The following LDLRAD4 variants were observed in gnomAD, a reference collection of about 807,000 sequenced individuals.
The protein encoded by LDLRAD4 is low density lipoprotein receptor class A domain containing 4, also known as low-density lipoprotein receptor class A domain-containing protein 4.
Under a neutral mutation model 17.0 loss-of-function variants are expected in LDLRAD4, and 5 were observed. The ratio of observed to expected loss-of-function variants is 0.29; its 90% confidence interval spans 0.15 to 0.62. The LOEUF (loss-of-function observed/expected upper bound fraction) is 0.62. LDLRAD4 is among the 20% of genes least tolerant of loss of function. LDLRAD4 has a pLI of 0.84. For missense variants in LDLRAD4, 340 were observed against 424.7 expected (o/e 0.80, Z 1.75); for synonymous variants, 168 against 171.8 (o/e 0.98, Z 0.17).
At chr18:13,592,924 C>T (rs371690804) in intron 3 of LDLRAD4, among the ~76,000 whole-genome samples, 1 of 152,188 alleles carries the variant, frequency 6.6e-6, no homozygotes, top group African/African-American at 2.4e-5. Flanking sequence ...ACTTTTGAAA[C>T]CTGATTGTGT....
chr18:13,450,332 C>A (rs566891046), intron 3 of LDLRAD4, among the ~76,000 whole-genome samples: 1 of 121,618 alleles, frequency 8.2e-6, no homozygotes, highest in Non-Finnish European at 1.8e-5. Flanking sequence ...CCCCACCCCC[C>A]CCCCCAAAAA....
intron 1 of LDLRAD4, among the ~76,000 whole-genome samples, chr18:13,246,271 A>G (rs559274105): frequency 1.3e-5 from 2 of 152,302 alleles, no homozygotes; most frequent in East Asian, 3.9e-4. Context: ...GCTTTTGCCC[A>G]TGCTGAGACT....
At chr18:13,469,437 G>A (rs1215186712) in intron 3 of LDLRAD4, among the ~76,000 whole-genome samples, 1 of 152,168 alleles carries the variant, frequency 6.6e-6, no homozygotes, top group Admixed American at 6.5e-5. Flanking sequence ...TGTACCCACT[G>A]TTCATTACAG....
chr18:13,492,138 G>C (rs577313858), intron 3 of LDLRAD4, among the ~76,000 whole-genome samples: 36 of 151,992 alleles, frequency 2.4e-4, no homozygotes, highest in Non-Finnish European at 4.6e-4. Flanking sequence ...AGACCGATTC[G>C]GGCAAGTCTA....
intron 3 of LDLRAD4, among the ~76,000 whole-genome samples, chr18:13,551,181 G>C (rs1020492889): frequency 1.3e-5 from 2 of 152,128 alleles, no homozygotes; most frequent in African/African-American, 4.8e-5. Context: ...GTGTCATCGG[G>C]TGCCAACAGC....
At chr18:13,376,860 G>A (rs1190189772) in intron 1 of LDLRAD4, among the ~76,000 whole-genome samples, 1 of 152,240 alleles carries the variant, frequency 6.6e-6, no homozygotes, top group Non-Finnish European at 1.5e-5. Context: ...TACCAAGGCA[G>A]TGGAAATTGG....
At chr18:13,584,253 C>A (rs904538577) in intron 3 of LDLRAD4, among the ~76,000 whole-genome samples, 1 of 152,220 alleles carries the variant, frequency 6.6e-6, no homozygotes, top group Admixed American at 6.5e-5. Flanking sequence ...ACAGTCTTTC[C>A]CCCTGGAATC....
chr18:13,273,492 A>G (rs2044680821), upstream of LDLRAD4, among the ~76,000 whole-genome samples: 1 of 152,032 alleles, frequency 6.6e-6, no homozygotes, highest in Admixed American at 6.5e-5. Flanking sequence ...TAGAGACAGG[A>G]TCTTGCTATA....
chr18:13,387,807 G>T (rs762902273), intron 2 of LDLRAD4, 45 bp downstream of exon 3: 17 of 1,578,740 alleles, frequency 1.1e-5, no homozygotes, highest in Admixed American at 3.3e-5. Flanking sequence ...CCACTCCTGG[G>T]AGGCAATAAA....
At chr18:13,293,328 G>A (rs976555844) in intron 1 of LDLRAD4, among the ~76,000 whole-genome samples, 1 of 152,192 alleles carries the variant, frequency 6.6e-6, no homozygotes, top group Non-Finnish European at 1.5e-5. Context: ...TCTCCTGTGT[G>A]AGTGTGTGTG....
At chr18:13,618,269 C>A (rs1352320148) in intron 3 of LDLRAD4, among the ~76,000 whole-genome samples, 1 of 152,234 alleles carries the variant, frequency 6.6e-6, no homozygotes, top group Non-Finnish European at 1.5e-5. Context: ...AGCAAACACA[C>A]ACACATGCAA....
At chr18:13,260,411 C>T (rs1209636629) in intron 1 of LDLRAD4, among the ~76,000 whole-genome samples, 2 of 152,198 alleles carry the variant, frequency 1.3e-5, no homozygotes, top group East Asian at 1.9e-4. Flanking sequence ...GAAGATTTTC[C>T]TTTGTGTACT....
chr18:13,382,649 G>GT, intron 1 of LDLRAD4: 1 of 152,382 alleles, frequency 6.6e-6, no homozygotes, highest in African/African-American at 2.4e-5. Flanking sequence ...GTGTGTGCAT[G>GT]TGTGTGCGTG....
chr18:13,547,004 G>A (rs559260768), intron 3 of LDLRAD4, among the ~76,000 whole-genome samples: 40 of 152,290 alleles, frequency 2.6e-4, no homozygotes, highest in Non-Finnish European at 4.3e-4. Context: ...GTGACACTGC[G>A]CAGCTGTTGT....
chr18:13,418,062 T>G (rs753185223), intron 2 of LDLRAD4, among the ~76,000 whole-genome samples: 7 of 152,202 alleles, frequency 4.6e-5, no homozygotes, highest in Non-Finnish European at 8.8e-5. Flanking sequence ...CTGGGCTGTT[T>G]AAGGTGCTCA....
At chr18:13,466,666 C>T (rs1200833857) in intron 3 of LDLRAD4, among the ~76,000 whole-genome samples, 3 of 152,140 alleles carry the variant, frequency 2.0e-5, no homozygotes, top group African/African-American at 7.2e-5. Flanking sequence ...TGTCCTCGTC[C>T]AGCTGGGTGC....
intron 3 of LDLRAD4, among the ~76,000 whole-genome samples, chr18:13,470,599 T>A (rs1471177569): frequency 1.3e-5 from 2 of 148,588 alleles, no homozygotes; most frequent in Non-Finnish European, 3.0e-5. Flanking sequence ...GTTGATTGAG[T>A]TAGTGAGTCA....
intron 3 of LDLRAD4, among the ~76,000 whole-genome samples, chr18:13,564,580 TAAAAA>T (rs367805996): frequency 2.4e-4 from 20 of 82,462 alleles, no homozygotes; most frequent in Non-Finnish European, 3.9e-4. Flanking sequence ...TCCCATTTTC[TAAAAA>T]AAAAAAAAAA....
At chr18:13,298,679 G>A (rs1001024547) in intron 1 of LDLRAD4, among the ~76,000 whole-genome samples, 5 of 151,866 alleles carry the variant, frequency 3.3e-5, no homozygotes, top group African/African-American at 1.2e-4. Context: ...TGTGGGCATG[G>A]TGATGTTGCC....
Sources: allele counts gnomAD v4.1 joint callset (sites outside exome capture counted in the v4.1 genomes callset), GRCh38; gene constraint gnomAD v4.1.1; transcripts MANE v1.5; gene names NCBI Gene and HGNC (gene_info 2026-07-23, HGNC 2026-07-21).